RGS6: variants seen among roughly 807,000 people sequenced by gnomAD.
RGS6 encodes regulator of G protein signaling 6, also known as regulator of G-protein signaling 6.
In RGS6, 30 loss-of-function variants were observed where a neutral mutation model predicts 78.5. That is an observed-to-expected ratio of 0.38 (90% CI 0.29 to 0.52). The LOEUF is 0.52. Among genes scored for constraint, RGS6 ranks in the 20% least tolerant of loss-of-function variants. RGS6 has a pLI of 0.85. For synonymous variants in RGS6, 206 were observed against 206.0 expected, an observed-to-expected ratio of 1.00 and a Z score of 0.00; for missense variants, 495 against 609.7, an observed-to-expected ratio of 0.81 and a Z score of 1.98.
At chr14:72,221,197 AT>A (rs1474650832) in intron 2 of RGS6, among the ~76,000 whole-genome samples, 1 of 152,134 alleles carries the variant, frequency 6.6e-6, no homozygotes, top group Non-Finnish European at 1.5e-5. Flanking sequence ...TGCTATTGCA[AT>A]TTTTTACATA....
At chr14:72,024,141 G>C (rs2089336925) in intron 2 of RGS6, among the ~76,000 whole-genome samples, 1 of 105,122 alleles carries the variant, frequency 9.5e-6, no homozygotes, top group Non-Finnish European at 2.0e-5. Flanking sequence ...AAGTTGAGAG[G>C]CTTTGTAATT....
At chr14:71,877,990 A>G in the RGS6 span, among the ~76,000 whole-genome samples, 1 of 152,212 alleles carries the variant, frequency 6.6e-6, no homozygotes, top group Admixed American at 6.5e-5. Context: ...CAGAGGCAGC[A>G]GAACCACAAA....
chr14:72,517,672 C>T (rs1169420847), intron 14 of RGS6, among the ~76,000 whole-genome samples: 4 of 152,212 alleles, frequency 2.6e-5, no homozygotes, highest in East Asian at 3.8e-4. Context: ...TGCCAAGCAC[C>T]GTGCTGAGCA....
intron 2 of RGS6, among the ~76,000 whole-genome samples, chr14:72,163,676 C>A (rs905410962): frequency 1.3e-5 from 2 of 151,988 alleles, no homozygotes; most frequent in South Asian, 4.2e-4. Context: ...CGAGGTCAGG[C>A]GTTCGAGACC....
At chr14:71,897,171 G>A in the RGS6 span, among the ~76,000 whole-genome samples, 3 of 152,230 alleles carry the variant, frequency 2.0e-5, no homozygotes, top group Non-Finnish European at 4.4e-5. Context: ...GTAGGTGGTA[G>A]ATAATTGTTT....
intron 17 of RGS6, among the ~76,000 whole-genome samples, chr14:72,542,908 T>C (rs1333865548): frequency 6.6e-6 from 1 of 151,528 alleles, no homozygotes; most frequent in Non-Finnish European, 1.5e-5. Context: ...ACATTTAATA[T>C]GGTTCATGGA....
At chr14:72,497,169 T>G (rs2096656246) in intron 13 of RGS6, among the ~76,000 whole-genome samples, 1 of 152,218 alleles carries the variant, frequency 6.6e-6, no homozygotes, top group Non-Finnish European at 1.5e-5. Context: ...CAGATTCCTC[T>G]TGAGCAAAAC....
intron 15 of RGS6, among the ~76,000 whole-genome samples, chr14:72,532,460 G>T (rs1168318747): frequency 6.6e-6 from 1 of 152,134 alleles, no homozygotes; most frequent in Non-Finnish European, 1.5e-5. Context: ...CTCTGCAGTG[G>T]TCTCTAAGTG....
At chr14:72,030,396 A>G (rs1213585857) in intron 2 of RGS6, among the ~76,000 whole-genome samples, 1 of 151,706 alleles carries the variant, frequency 6.6e-6, no homozygotes, top group East Asian at 1.9e-4. Flanking sequence ...TGAAAAAATA[A>G]AAGGATAGAA....
chr14:72,540,154 CTTCTT>C (rs1567085172), intron 17 of RGS6, 60 bp downstream of exon 17: 7 of 1,484,884 alleles, frequency 4.7e-6, no homozygotes, highest in East Asian at 4.6e-5. Context: ...TTTCTTTCTT[CTTCTT>C]TTTTTTTTTT....
At chr14:72,337,775 C>G (rs1305737398) in intron 2 of RGS6, among the ~76,000 whole-genome samples, 1 of 152,170 alleles carries the variant, frequency 6.6e-6, no homozygotes, top group Non-Finnish European at 1.5e-5. Context: ...GGCAAATGAC[C>G]CTGCTGCTCT....
intron 14 of RGS6, among the ~76,000 whole-genome samples, chr14:72,515,049 G>A (rs564831680): frequency 6.6e-6 from 1 of 152,340 alleles, no homozygotes; most frequent in South Asian, 2.1e-4. Flanking sequence ...AACCAGTGAT[G>A]GTAAACACAT....
intron 3 of RGS6, among the ~76,000 whole-genome samples, chr14:72,356,192 T>A (rs2080234209): frequency 6.6e-6 from 1 of 152,130 alleles, no homozygotes; most frequent in Non-Finnish European, 1.5e-5. Context: ...AATCCCCACA[T>A]GGCAAGGGAG....
At chr14:71,999,264 A>T (rs1405554343) in intron 2 of RGS6, among the ~76,000 whole-genome samples, 1 of 152,210 alleles carries the variant, frequency 6.6e-6, no homozygotes, top group Non-Finnish European at 1.5e-5. Context: ...TTCAAAGTTC[A>T]TGTTCTCCAG....
intron 2 of RGS6, among the ~76,000 whole-genome samples, chr14:72,051,769 G>T (rs74063037): frequency 0.013 from 1,976 of 152,294 alleles, 43 homozygotes; most frequent in African/African-American, 0.044. Context: ...ATAACTTTTA[G>T]TATGTGAGCT....
chr14:72,396,831 G>C (rs574034705), intron 3 of RGS6, among the ~76,000 whole-genome samples: 1 of 152,052 alleles, frequency 6.6e-6, no homozygotes, highest in African/African-American at 2.4e-5. Flanking sequence ...TTTTTGTCAG[G>C]TTTGTCAAAG....
intron 3 of RGS6, among the ~76,000 whole-genome samples, chr14:72,378,464 C>T (rs2085282119): frequency 6.6e-6 from 1 of 151,260 alleles, no homozygotes; most frequent in Non-Finnish European, 1.5e-5. Context: ...TTTAGCTACA[C>T]AATGAAAAAA....
chr14:72,538,869 A>G (rs1021808740), intron 16 of RGS6, among the ~76,000 whole-genome samples: 2 of 152,084 alleles, frequency 1.3e-5, no homozygotes, highest in Non-Finnish European at 2.9e-5. Context: ...AAGCCCCCCA[A>G]CTTCATCCAC....
intron 3 of RGS6, among the ~76,000 whole-genome samples, chr14:72,452,762 A>G (rs902364126): frequency 3.3e-5 from 5 of 152,244 alleles, no homozygotes; most frequent in African/African-American, 7.2e-5. Context: ...CACACCTTCA[A>G]TGGTCTGCAC....
Sources: allele counts gnomAD v4.1 joint callset (sites outside exome capture counted in the v4.1 genomes callset), GRCh38; gene constraint gnomAD v4.1.1; transcripts MANE v1.5; gene names NCBI Gene and HGNC (gene_info 2026-07-23, HGNC 2026-07-21).